The following CFAP47 variants were observed in gnomAD, a reference collection of about 807,000 sequenced individuals.
CFAP47 encodes the protein cilia and flagella associated protein 47.
CFAP47 carries 29 observed loss-of-function variants against 148.1 expected under a neutral mutation model. That is an observed-to-expected ratio of 0.20 (90% confidence interval 0.15 to 0.27). The LOEUF (loss-of-function observed/expected upper bound fraction) is 0.27. Ranked by LOEUF, CFAP47 falls within the 10% of genes least tolerant of loss-of-function variation. The pLI, the probability that CFAP47 is intolerant of heterozygous loss-of-function variation, is 1.00. For synonymous variants in CFAP47, 664 were observed against 577.3 expected, an observed-to-expected ratio of 1.15 and a Z score of -2.15; for missense variants, 1,872 against 1,697.5, an observed-to-expected ratio of 1.10 and a Z score of -1.81.
At chrX:36,053,273 A>T (rs894492526) in intron 26 of CFAP47, among the ~76,000 whole-genome samples, 6 of 111,822 alleles carry the variant, frequency 5.4e-5, no homozygotes, top group Non-Finnish European at 9.4e-5. Flanking sequence ...ATTACTAAGG[A>T]TAGATTCATC....
intron 62 of CFAP47, among the ~76,000 whole-genome samples, chrX:36,371,924 G>A (rs1313291656): frequency 6.7e-5 from 4 of 60,048 alleles, no homozygotes; most frequent in African/African-American, 4.0e-4. Context: ...GTATATATGT[G>A]TATATACACA....
At chrX:36,025,491 A>AG (rs1478792556) in intron 22 of CFAP47, among the ~76,000 whole-genome samples, 41 of 110,013 alleles carry the variant, frequency 3.7e-4, no homozygotes, top group African/African-American at 1.3e-3. Context: ...AAAAAAAAAA[A>AG]GTAGTTGAAT....
At position 36,319,259 on chromosome X, in the gene CFAP47, A is replaced by G. The variant is rs1941460021; in HGVS notation, c.8395A>G (p.Ile2799Val). 2 of 1,130,249 alleles carry G rather than the reference A, an allele frequency of 1.8e-6. No individual in the cohort carries two copies. Among genetic ancestry groups the G allele is most frequent in the Non-Finnish European group, 2.4e-6 (2 of 847,791 alleles). The allele number at this position is 1,130,249 out of a possible 1,213,427, so 93.1% of individuals were successfully genotyped here. ...CATGGATCATTGCTGGGATAGCTTC[A>G]TCTATGAGAGTTCTGCCTTCAGATT... is the stretch of plus-strand genomic sequence containing the variant. ...LVMDHCWDSFIYESSAFRFSS... is the reference protein window; with the variant it reads ...LVMDHCWDSFVYESSAFRFSS... Residue 2799 changes from isoleucine (I) to valine (V), a missense_variant, in exon 57 of 64, where the codon ATC (isoleucine) becomes GTC (valine). By Grantham distance (29) the Ile-to-Val change is conservative (BLOSUM62 3). Coordinates refer to ENST00000378653, the MANE Select transcript of CFAP47 (RefSeq NM_001304548.2).
intron 62 of CFAP47, among the ~76,000 whole-genome samples, chrX:36,368,898 A>G (rs1250156073): frequency 1.8e-5 from 2 of 111,300 alleles, no homozygotes; most frequent in African/African-American, 6.5e-5. Context: ...AAAACCTAAT[A>G]TTGGGAGAGT....
At chrX:36,335,927 G>A (rs1279673574) in intron 57 of CFAP47, among the ~76,000 whole-genome samples, 1 of 111,064 alleles carries the variant, frequency 9.0e-6, no homozygotes, top group Non-Finnish European at 1.9e-5. Context: ...AACTATTTTT[G>A]TATTAGAAAA....
At chrX:36,320,859 CT>C (rs75734297) in intron 57 of CFAP47, among the ~76,000 whole-genome samples, 1 of 111,262 alleles carries the variant, frequency 9.0e-6, no homozygotes, top group African/African-American at 3.3e-5. Flanking sequence ...GGAAAGCACT[CT>C]TTGTAATGTA....
At chrX:36,346,682 TG>T (rs1941700155) in intron 57 of CFAP47, among the ~76,000 whole-genome samples, 1 of 111,984 alleles carries the variant, frequency 8.9e-6, no homozygotes, top group East Asian at 2.8e-4. Flanking sequence ...AAAAGACTCA[TG>T]GGTTTTGTGG....
intron 2 of CFAP47, among the ~76,000 whole-genome samples, chrX:35,934,663 G>A (rs1370994372): frequency 9.0e-6 from 1 of 111,154 alleles, no homozygotes; most frequent in Non-Finnish European, 1.9e-5. Context: ...CTGGGAATGT[G>A]TTGAATCTCA....
At chrX:36,109,204 A>G (rs1302959373) in intron 33 of CFAP47, among the ~76,000 whole-genome samples, 1 of 111,976 alleles carries the variant, frequency 8.9e-6, no homozygotes, top group Non-Finnish European at 1.9e-5. Context: ...GTTGATAGGC[A>G]TGTAGGTTGA....
At chrX:36,345,873 G>A (rs1941693232) in intron 57 of CFAP47, among the ~76,000 whole-genome samples, 1 of 111,070 alleles carries the variant, frequency 9.0e-6, no homozygotes, top group Admixed American at 9.6e-5. Context: ...TTTCCTCAAG[G>A]AATAACATTT....
intron 60 of CFAP47, 26 bp downstream of exon 60, chrX:36,353,707 A>T: frequency 2.8e-6 from 3 of 1,079,781 alleles, no homozygotes; most frequent in Non-Finnish European, 3.7e-6. Context: ...TTATAGAAAA[A>T]ATAAAATGAA....
chrX:36,169,602 A>G (rs1939540353), intron 39 of CFAP47, among the ~76,000 whole-genome samples: 1 of 111,370 alleles, frequency 9.0e-6, no homozygotes, highest in African/African-American at 3.3e-5. Context: ...CAATTCTAGA[A>G]TTTCTAATTG....
intron 33 of CFAP47, among the ~76,000 whole-genome samples, chrX:36,125,049 G>A (rs1459286548): frequency 3.6e-5 from 4 of 110,816 alleles, no homozygotes; most frequent in Non-Finnish European, 5.7e-5. Flanking sequence ...TGGAATACAG[G>A]TAAAATTATC....
At chrX:36,175,088 C>T (rs1193402886) in intron 39 of CFAP47, among the ~76,000 whole-genome samples, 8 of 111,698 alleles carry the variant, frequency 7.2e-5, no homozygotes, top group Non-Finnish European at 5.7e-5. Flanking sequence ...TCCAGTTGAT[C>T]GCATCGGCTC....
At chrX:35,976,157 AAG>A (rs1178390539) in intron 15 of CFAP47, among the ~76,000 whole-genome samples, 1 of 110,342 alleles carries the variant, frequency 9.1e-6, no homozygotes, top group East Asian at 2.9e-4. Context: ...GAGAGAGATA[AAG>A]AGAGAGACAT....
chrX:35,955,776 C>T (rs932464176), intron 7 of CFAP47, among the ~76,000 whole-genome samples, 185 bp from the exon 8 acceptor site: 1 of 112,638 alleles, frequency 8.9e-6, no homozygotes. Context: ...AATGTTGTCT[C>T]TTTTATTCAC....
chrX:36,242,021 AGTC>A (rs1291365102), intron 48 of CFAP47, among the ~76,000 whole-genome samples: 1 of 111,958 alleles, frequency 8.9e-6, no homozygotes. Flanking sequence ...CTTATCTACC[AGTC>A]ATTATTCTTA....
chrX:35,925,382 AAAT>A (rs1172519368), intron 1 of CFAP47, among the ~76,000 whole-genome samples: 1 of 110,844 alleles, frequency 9.0e-6, no homozygotes, highest in African/African-American at 3.3e-5. Flanking sequence ...CTCAAAAAAA[AAAT>A]AATAATGTAT....
intron 57 of CFAP47, among the ~76,000 whole-genome samples, chrX:36,338,330 T>C (rs1385911399): frequency 9.0e-6 from 1 of 111,021 alleles, no homozygotes; most frequent in African/African-American, 3.3e-5. Context: ...AGCAAAACTA[T>C]TTGAAAGCCT....
Sources: allele counts gnomAD v4.1 joint callset (sites outside exome capture counted in the v4.1 genomes callset), GRCh38; gene constraint gnomAD v4.1.1; transcripts MANE v1.5; gene names NCBI Gene and HGNC (gene_info 2026-07-23, HGNC 2026-07-21).